The following OPN4 variants were observed in gnomAD, a reference collection of about 807,000 sequenced individuals.
OPN4 encodes the protein opsin 4.
OPN4 carries 43 observed loss-of-function variants against 49.5 expected under a neutral mutation model. The ratio of observed to expected loss-of-function variants is 0.87; its 90% CI spans 0.68 to 1.12. The LOEUF (loss-of-function observed/expected upper bound fraction) is 1.12, where lower values mean the gene tolerates loss of function less well. Among genes scored for constraint, OPN4 ranks in the 50% most tolerant of loss-of-function variants. The pLI, the probability that OPN4 is intolerant of heterozygous loss-of-function variation, is 0.00. For synonymous variants in OPN4, 263 were observed against 258.0 expected, an observed-to-expected ratio of 1.02 and a Z score of -0.19; for missense variants, 657 against 643.9, an observed-to-expected ratio of 1.02 and a Z score of -0.22.
rs1844169777 is a variant in OPN4, at chr10:86,666,040, C to A, written c.*289C>A. The A allele has an allele frequency of 2.1e-6, 1 of 484,986 alleles. No individual in the cohort carries two copies. Among genetic ancestry groups the A allele is most frequent in the Non-Finnish European group, 3.7e-6 (1 of 272,556 alleles). 30.0% of individuals were successfully genotyped at this position (484,986 alleles called of 1,614,324 possible). A position where few individuals can be genotyped will look rare whatever the true frequency, so the allele number is the denominator to read the frequency against. Reference sequence around the variant, plus strand: ...ACTTCCCGAGTTGTCTGCCTCTCCTCAAATGCTGTGTGCTGCAATTGTCCA... The same window carrying A: ...ACTTCCCGAGTTGTCTGCCTCTCCTAAAATGCTGTGTGCTGCAATTGTCCA... On this transcript the variant is annotated 3_prime_UTR_variant, in exon 10 of 10. Transcript: ENST00000241891.
chr10:86,660,683 G>A (rs974972953), intron 6 of OPN4, among the ~76,000 whole-genome samples: 4 of 152,170 alleles, frequency 2.6e-5, no homozygotes, highest in Non-Finnish European at 4.4e-5. Context: ...GCAAGGGCCA[G>A]AGTCAATGGG....
intron 8 of OPN4, among the ~76,000 whole-genome samples, chr10:86,663,294 G>A (rs1844060546): frequency 6.6e-6 from 1 of 152,198 alleles, no homozygotes; most frequent in Non-Finnish European, 1.5e-5. Flanking sequence ...ACTGAGAGAG[G>A]AGCTGTCAGA....
In OPN4 at chr10:86,659,419, A is replaced by G. The variant is rs757752411; in HGVS notation, c.751A>G (p.Ile251Val). The change falls in exon 5 of 10, where the codon ATC becomes GTC. Residue 251 changes from isoleucine (I) to valine (V), a missense_variant. By Grantham distance (29) the Ile-to-Val change is conservative. Transcript: ENST00000241891. ...CGTGTTCTTCCTCCCTCTGCTTATC[A>G]TCATCTACTGCTACATCTTCATCTT... is the stretch of plus-strand genomic sequence containing the variant. The part of the protein sequence containing the change: ...CFVFFLPLLI[I>V]IYCYIFIFRA... 2 of 1,614,048 alleles carry G rather than the reference A, an allele frequency of 1.2e-6. No homozygotes were observed. Among genetic ancestry groups the G allele is most frequent in the South Asian group, 1.1e-5 (1 of 91,082 alleles).
rs2132309307 is a variant in OPN4, at chr10:86,663,655, T to C, written c.1255-4T>C. 2.0e-6 allele frequency: 3 copies of C among 1,506,812 alleles called. No individual in the cohort carries two copies. The highest frequency in any genetic ancestry group is 1.8e-6 in the Non-Finnish European group (2 of 1,124,210). The allele number at this position is 1,506,812 out of a possible 1,614,324, so 93.3% of individuals were successfully genotyped here. A position where few individuals can be genotyped will look rare whatever the true frequency, so the allele number is the denominator to read the frequency against. On this transcript the variant is annotated splice_polypyrimidine_tract_variant and splice_region_variant and intron_variant, in intron 8 of 9. Coordinates refer to ENST00000241891, the MANE Select transcript of OPN4 (RefSeq NM_033282.4). ...CCTCACAGTCACTCTCTCACCTCCC[T>C]CAGGGCTGGACACACATGGAGGCAG...
intron 1 of OPN4, among the ~76,000 whole-genome samples, chr10:86,655,645 T>G (rs1843844831): frequency 6.6e-6 from 1 of 152,188 alleles, no homozygotes; most frequent in African/African-American, 2.4e-5. Flanking sequence ...CAAGGTTAGC[T>G]GTACCCAGCT....
chr10:86,660,161 C>A, intron 6 of OPN4, 102 bp downstream of exon 6: 1 of 1,306,400 alleles, frequency 7.7e-7, no homozygotes, highest in Non-Finnish European at 1.1e-6. Context: ...GGCCAGCCAT[C>A]CTCGCACCCT....
chr10:86,662,182 G>A lies in OPN4; in HGVS notation c.1074-70G>A, dbSNP rs1478498378. 7 of 1,390,362 alleles carry A rather than the reference G, an allele frequency of 5.0e-6. No individual in the cohort carries two copies. The East Asian group carries it at 1.4e-4, about 28-fold the overall frequency. 86.1% of individuals were successfully genotyped at this position (1,390,362 alleles called of 1,614,324 possible). A position where few individuals can be genotyped will look rare whatever the true frequency, so the allele number is the denominator to read the frequency against. On this transcript the variant is annotated intron_variant, in intron 7 of 9. Transcript: ENST00000241891. The stretch of plus-strand genomic sequence containing the variant: ...CCGCACATTAGGCCTGTACCAGCCT[G>A]TGCACCCATCCCCTCCCCTGCATCT...
chr10:86,656,742 G>A (rs1242240399), intron 2 of OPN4, among the ~76,000 whole-genome samples: 3 of 151,996 alleles, frequency 2.0e-5, no homozygotes, highest in Non-Finnish European at 4.4e-5. Flanking sequence ...ATCAGGGTTC[G>A]AGACCAGCCT....
rs1473563093 is a variant in OPN4 at position 86,665,782 on chromosome 10, A to T, written c.*31A>T. ...CCACTGGCTCTCCCTTTCTTCTGAGACACATCCAGCCCCCCCACGTCTCCC... is the reference window on the plus strand; with the variant it reads ...CCACTGGCTCTCCCTTTCTTCTGAGTCACATCCAGCCCCCCCACGTCTCCC... On this transcript the variant is annotated 3_prime_UTR_variant, in exon 10 of 10. Transcript: ENST00000241891. 7 of 1,588,350 alleles carry T rather than the reference A, an allele frequency of 4.4e-6. No homozygotes were observed. The highest frequency in any genetic ancestry group is 4.3e-6 in the Non-Finnish European group (5 of 1,157,228).
chr10:86,657,597 T>C (rs1305404954), intron 2 of OPN4, among the ~76,000 whole-genome samples: 1 of 151,980 alleles, frequency 6.6e-6, no homozygotes, highest in Non-Finnish European at 1.5e-5. Context: ...AGGAGGAACC[T>C]AGGGAGAAAC....
intron 1 of OPN4, 30 bp from the exon 2 acceptor site, chr10:86,656,125 T>C (rs1255973595): frequency 2.5e-6 from 4 of 1,613,686 alleles, no homozygotes; most frequent in East Asian, 2.2e-5. Context: ...AGCGATAACA[T>C]GATTCCCTCG....
chr10:86,655,534 C>A (rs1449771266), intron 1 of OPN4, among the ~76,000 whole-genome samples: 1 of 152,176 alleles, frequency 6.6e-6, no homozygotes, highest in African/African-American at 2.4e-5. Flanking sequence ...TCTTTAAATC[C>A]CTTTGTCCTG....
chr10:86,660,915 T>C (rs1383043137), intron 6 of OPN4, among the ~76,000 whole-genome samples: 1 of 152,130 alleles, frequency 6.6e-6, no homozygotes, highest in African/African-American at 2.4e-5. Context: ...TTACCTGAGG[T>C]CAGGAGTTCG....
intron 7 of OPN4, 21 bp downstream of exon 7, chr10:86,661,409 C>A: frequency 6.3e-7 from 1 of 1,587,508 alleles, no homozygotes; most frequent in South Asian, 1.1e-5. Flanking sequence ...TTTCCAGAAC[C>A]CCACACCTTG....
chr10:86,654,698 T>C lies in OPN4; in HGVS notation c.-86T>C. 1 of 1,535,520 alleles carries C rather than the reference T, an allele frequency of 6.5e-7. No homozygotes were observed. ...CAGGGGTGCTGAGGATGGAGGAAAGTTGGGAGGCTGAGCACAGCTGAAGTC... is the reference window on the plus strand; with the variant it reads ...CAGGGGTGCTGAGGATGGAGGAAAGCTGGGAGGCTGAGCACAGCTGAAGTC... On this transcript the variant is annotated 5_prime_UTR_variant, in exon 1 of 10. Transcript: ENST00000241891.
rs148282551 is a variant in OPN4 at position 86,659,395 on chromosome 10, G to T, written c.727G>T (p.Val243Leu). 6.3e-5 allele frequency: 102 copies of T among 1,614,012 alleles called. No homozygotes were observed. Among genetic ancestry groups the T allele is most frequent in the Middle Eastern group, 1.6e-4 (1 of 6,084 alleles). Residue 243 changes from valine to leucine, a missense_variant, in exon 5 of 10, where the codon GTG becomes TTG. Coordinates refer to ENST00000241891, the MANE Select transcript of OPN4 (RefSeq NM_033282.4). ...RAYTMLLCCF[V>L]FFLPLLIIIY... is the part of the protein sequence containing the mutation. ...CTACACCATGCTTCTCTGCTGCTTC[G>T]TGTTCTTCCTCCCTCTGCTTATCAT... is the stretch of plus-strand genomic sequence containing the variant.
Position 86,654,744 on chromosome 10 carries a change from A to G in OPN4, c.-40A>G. ...AAGTCCTGAGCTCCCTGTGCCCTTGACTTCTCTGTGGGCTCGAGCAAGGAC... is the reference window on the plus strand; with the variant it reads ...AAGTCCTGAGCTCCCTGTGCCCTTGGCTTCTCTGTGGGCTCGAGCAAGGAC... On this transcript the variant is annotated 5_prime_UTR_variant, in exon 1 of 10. Transcript: ENST00000241891. 6.3e-7 allele frequency: 1 copy of G among 1,584,966 alleles called. No homozygotes were observed. The highest frequency in any genetic ancestry group is 8.6e-7 in the Non-Finnish European group (1 of 1,158,604).
intron 1 of OPN4, 59 bp from the exon 2 acceptor site, chr10:86,656,096 G>T: frequency 6.2e-7 from 1 of 1,609,614 alleles, no homozygotes; most frequent in South Asian, 1.1e-5. Context: ...TTCCTTCTCA[G>T]GACTATTTGA....
At chr10:86,664,465 G>A (rs550250341) in intron 9 of OPN4, among the ~76,000 whole-genome samples, 6 of 152,290 alleles carry the variant, frequency 3.9e-5, no homozygotes, top group Admixed American at 3.3e-4. Flanking sequence ...TGTTGATGGC[G>A]ATTAGAGAAG....
Sources: allele counts gnomAD v4.1 joint callset (sites outside exome capture counted in the v4.1 genomes callset), GRCh38; gene constraint gnomAD v4.1.1; transcripts MANE v1.5; gene names NCBI Gene and HGNC (gene_info 2026-07-23, HGNC 2026-07-21).